Variants in RIT2 observed in about 807,000 individuals in gnomAD.
The protein encoded by RIT2 is Ras like without CAAX 2.
RIT2 carries 24 observed loss-of-function variants against 23.7 expected under a neutral mutation model. The ratio of observed to expected loss-of-function variants is 1.01; its 90% CI spans 0.73 to 1.43. The LOEUF (loss-of-function observed/expected upper bound fraction) is 1.43. RIT2 is among the 40% of genes most tolerant of loss of function. The pLI is 0.00. For missense variants in RIT2, 236 were observed against 266.9 expected (o/e 0.88, Z 0.81); for synonymous variants, 107 against 91.1 (o/e 1.17, Z -0.99).
chr18:42,973,874 T>G (rs1169343853), intron 3 of RIT2, among the ~76,000 whole-genome samples, 200 bp downstream of exon 3: 3 of 151,994 alleles, frequency 2.0e-5, no homozygotes, highest in Non-Finnish European at 4.4e-5. Flanking sequence ...TATGGACTCT[T>G]TTATTTTTAG....
At chr18:43,101,612 C>A (rs1913686295) in intron 1 of RIT2, among the ~76,000 whole-genome samples, 1 of 152,260 alleles carries the variant, frequency 6.6e-6, no homozygotes, top group Middle Eastern at 3.4e-3. Context: ...TCAATGCATG[C>A]CTGTCCCTCT....
At chr18:42,761,690 A>G (rs1467085956) in intron 4 of RIT2, among the ~76,000 whole-genome samples, 1 of 152,064 alleles carries the variant, frequency 6.6e-6, no homozygotes, top group Non-Finnish European at 1.5e-5. Flanking sequence ...AATTATTATT[A>G]TTTTTGAGAC....
chr18:42,823,182 A>G (rs934969886), intron 4 of RIT2, among the ~76,000 whole-genome samples: 8 of 152,188 alleles, frequency 5.3e-5, no homozygotes, highest in African/African-American at 1.9e-4. Flanking sequence ...ATTTTTAGTC[A>G]GAAAAATTTC....
chr18:43,067,282 G>C (rs1222834549), intron 1 of RIT2, among the ~76,000 whole-genome samples: 2 of 152,016 alleles, frequency 1.3e-5, no homozygotes, highest in African/African-American at 4.8e-5. Context: ...TTGAAAACAA[G>C]AACGTTGACA....
At chr18:42,764,501 T>G (rs567254535) in intron 4 of RIT2, among the ~76,000 whole-genome samples, 1 of 152,332 alleles carries the variant, frequency 6.6e-6, no homozygotes, top group Admixed American at 6.5e-5. Context: ...TCTACCTAGA[T>G]GCATTTTCCA....
At chr18:42,864,943 T>G (rs536896747) in intron 4 of RIT2, among the ~76,000 whole-genome samples, 1 of 152,304 alleles carries the variant, frequency 6.6e-6, no homozygotes, top group South Asian at 2.1e-4. Flanking sequence ...CCTGCCTTAC[T>G]TACTAAATGG....
At chr18:42,847,792 A>G (rs574830741) in intron 4 of RIT2, among the ~76,000 whole-genome samples, 4 of 152,040 alleles carry the variant, frequency 2.6e-5, no homozygotes, top group African/African-American at 9.6e-5. Context: ...TGCAATGTAC[A>G]TGTATTTTAA....
chr18:42,966,376 A>T (rs576057338), intron 3 of RIT2, among the ~76,000 whole-genome samples: 5 of 152,318 alleles, frequency 3.3e-5, no homozygotes, highest in African/African-American at 1.2e-4. Flanking sequence ...ATTTCTATTA[A>T]AAGTATACTT....
At chr18:43,035,945 T>C (rs552992893) in intron 1 of RIT2, among the ~76,000 whole-genome samples, 1 of 152,208 alleles carries the variant, frequency 6.6e-6, no homozygotes, top group Non-Finnish European at 1.5e-5. Context: ...ATGATTGATA[T>C]CGCTACTCAA....
At chr18:42,795,268 C>T (rs1211932057) in intron 4 of RIT2, among the ~76,000 whole-genome samples, 2 of 152,164 alleles carry the variant, frequency 1.3e-5, no homozygotes, top group African/African-American at 2.4e-5. Context: ...GAGCAGGAAC[C>T]GGGGCTGCGT....
rs11393575 is a variant in RIT2 at position 43,057,798 on chromosome 18, C to CTTTTTTTTTTTTTTTTTTTTTTTTTTTTT, written c.104-23932_104-23931insAAAAAAAAAAAAAAAAAAAAAAAAAAAAA. Among the ~76,000 whole-genome samples the CTTTTTTTTTTTTTTTTTTTTTTTTTTTTT allele has an allele frequency of 1.5e-4, 18 of 122,656 alleles. 1 individual carries two copies. The highest frequency in any genetic ancestry group is 3.4e-4 in the Admixed American group (4 of 11,918). 80.5% of individuals were successfully genotyped at this position (122,656 alleles called of 152,430 possible). ...GAGCTAATCTTCCAAGTGATGGACACTTTTTTTTTTTTTTTTTATCATCTA... is the reference window on the plus strand; with the variant it reads ...GAGCTAATCTTCCAAGTGATGGACACTTTTTTTTTTTTTTTTTTTTTTTTTTTTTTTTTTTTTTTTTTTTTTATCATCTA... On this transcript the variant is annotated intron_variant, in intron 1 of 4. Coordinates refer to ENST00000326695, the MANE Select transcript of RIT2 (RefSeq NM_002930.4).
At chr18:43,001,945 G>T (rs1911117290) in intron 2 of RIT2, among the ~76,000 whole-genome samples, 1 of 151,976 alleles carries the variant, frequency 6.6e-6, no homozygotes, top group South Asian at 2.1e-4. Context: ...ATTAGTCAGG[G>T]TTATCTAGAG....
intron 4 of RIT2, among the ~76,000 whole-genome samples, chr18:42,789,762 CA>C (rs779778008): frequency 1.3e-5 from 2 of 152,138 alleles, no homozygotes; most frequent in Non-Finnish European, 2.9e-5. Context: ...AAGATCACAT[CA>C]TCAGCAGAGA....
chr18:42,989,834 C>T (rs1254043932), intron 2 of RIT2, among the ~76,000 whole-genome samples: 1 of 152,172 alleles, frequency 6.6e-6, no homozygotes, highest in African/African-American at 2.4e-5. Flanking sequence ...AAGTGAATGT[C>T]ATCCCTACTT....
chr18:43,065,236 T>C (rs1375712160), intron 1 of RIT2, among the ~76,000 whole-genome samples: 1 of 145,518 alleles, frequency 6.9e-6, no homozygotes, highest in East Asian at 2.0e-4. Context: ...TTTTTTTTTT[T>C]TTTTTTTAGA....
intron 4 of RIT2, among the ~76,000 whole-genome samples, chr18:42,843,694 A>G (rs1429004746): frequency 6.6e-6 from 1 of 152,208 alleles, no homozygotes; most frequent in African/African-American, 2.4e-5. Context: ...AGTTATTGTG[A>G]CCTATTTCTA....
At chr18:43,105,100 C>CTGTGTGTGTG (rs756311809) in intron 1 of RIT2, among the ~76,000 whole-genome samples, 437 of 143,056 alleles carry the variant, frequency 3.1e-3, no homozygotes, top group African/African-American at 9.4e-3. Context: ...AGGCAGTGTG[C>CTGTGTGTGTG]TGTGTGTGTG....
At chr18:43,081,890 T>C (rs1185990614) in intron 1 of RIT2, among the ~76,000 whole-genome samples, 2 of 152,166 alleles carry the variant, frequency 1.3e-5, no homozygotes, top group Non-Finnish European at 2.9e-5. Flanking sequence ...CATTCATTTT[T>C]TTCCATCCTT....
chr18:43,083,111 G>C (rs1019808275), intron 1 of RIT2, among the ~76,000 whole-genome samples: 1 of 152,134 alleles, frequency 6.6e-6, no homozygotes, highest in African/African-American at 2.4e-5. Flanking sequence ...GTCAAATCAT[G>C]AGAGAACTCC....
Sources: gnomAD v4.1 joint callset for allele counts (sites outside exome capture counted in the v4.1 genomes callset) on GRCh38, gnomAD v4.1.1 for gene constraint, MANE v1.5 for transcripts, NCBI Gene and HGNC (gene_info 2026-07-23, HGNC 2026-07-21) for gene names.